The following MAP4K1 variants were observed in gnomAD, a reference collection of about 807,000 sequenced individuals.
MAP4K1 encodes mitogen-activated protein kinase kinase kinase kinase 1.
In MAP4K1, 35 loss-of-function variants were observed where a neutral mutation model predicts 122.8. That is an observed-to-expected ratio of 0.29 (90% CI 0.22 to 0.38). MAP4K1 has a LOEUF of 0.38. MAP4K1 is among the 10% of genes least tolerant of loss of function. The pLI, the probability that MAP4K1 is intolerant of heterozygous loss-of-function variation, is 1.00. For missense variants in MAP4K1, 791 were observed against 1,072.6 expected, an observed-to-expected ratio of 0.74 and a Z score of 3.67; for synonymous variants, 412 against 421.3, an observed-to-expected ratio of 0.98 and a Z score of 0.27.
At chr19:38,598,889 T>C (rs150554937) in intron 22 of MAP4K1, among the ~76,000 whole-genome samples, 9,228 of 150,226 alleles carry the variant, frequency 0.061, 356 homozygotes, top group South Asian at 0.15. Flanking sequence ...GGCAGGTGCC[T>C]GTAATCCCAG....
At chr19:38,591,465 A>G (rs1309991281) in intron 30 of MAP4K1, among the ~76,000 whole-genome samples, 3 of 141,430 alleles carry the variant, frequency 2.1e-5, no homozygotes. Context: ...CGGGAGGCAG[A>G]GGTTGCAGTG....
intron 8 of MAP4K1, 145 bp downstream of exon 8, chr19:38,613,735 C>A (rs750438): frequency 0.21 from 136,001 of 645,220 alleles, 17,812 homozygotes; most frequent in African/African-American, 0.38. Context: ...AAAACTCAAG[C>A]GACACCCAGA....
At chr19:38,593,141 T>C in intron 30 of MAP4K1, 141 bp downstream of exon 30, 1 of 685,742 alleles carries the variant, frequency 1.5e-6, no homozygotes, top group Non-Finnish European at 2.3e-6. Flanking sequence ...GAGAACAGAC[T>C]CTAGGGAGCA....
rs774007501 is a variant in MAP4K1 at position 38,587,760 on chromosome 19, G to A, written c.2454C>T (p.Tyr818=). 6.2e-7 allele frequency: 1 copy of A among 1,614,022 alleles called. No individual in the cohort carries two copies. The highest frequency in any genetic ancestry group is 1.1e-5 in the South Asian group (1 of 91,080). The change falls in exon 31 of 31, where the codon TAC becomes TAT. Residue 818 remains tyrosine, a synonymous_variant. Coordinates refer to ENST00000396857, the MANE Select transcript of MAP4K1 (RefSeq NM_001042600.3). ...CCCCCCTAGGGACTCATTCCTGGAT[G>A]TAGAGGTTGCTGGGAGCAGTAGGAT... ...VDDPTAPSNL[Y]IQE
At chr19:38,606,145 G>A (rs764466174) in intron 17 of MAP4K1, 28 bp downstream of exon 17, 1 of 1,570,390 alleles carries the variant, frequency 6.4e-7, no homozygotes, top group South Asian at 1.2e-5. Context: ...TGAGGCCCCA[G>A]CCTCCCAGCT....
In MAP4K1 at chr19:38,609,895, G is replaced by T; in HGVS notation, c.927+14C>A. On this transcript the variant is annotated intron_variant, in intron 12 of 30. Coordinates refer to ENST00000396857, the MANE Select transcript of MAP4K1 (RefSeq NM_001042600.3). ...CGAGAGGTCCCCAGTGCTCTTGTCA[G>T]CCAAGGCTCTCACCTCGGGCTCCTC... 6.2e-7 allele frequency: 1 copy of T among 1,606,386 alleles called. No individual in the cohort carries two copies. Among genetic ancestry groups the T allele is most frequent in the Non-Finnish European group, 8.5e-7 (1 of 1,172,966 alleles).
At chr19:38,603,413 T>A (rs988611249) in intron 19 of MAP4K1, among the ~76,000 whole-genome samples, 1 of 134,096 alleles carries the variant, frequency 7.5e-6, no homozygotes, top group Non-Finnish European at 1.5e-5. Context: ...TACATATATA[T>A]ACACGTATAC....
At chr19:38,593,173 G>A (rs1974776917) in intron 30 of MAP4K1, 109 bp downstream of exon 30, 1 of 1,019,698 alleles carries the variant, frequency 9.8e-7, no homozygotes, top group Non-Finnish European at 1.4e-6. Flanking sequence ...AGGGTGACCA[G>A]GTGAGACACT....
intron 29 of MAP4K1, among the ~76,000 whole-genome samples, chr19:38,594,465 C>A (rs1974810821): frequency 6.6e-6 from 1 of 152,028 alleles, no homozygotes; most frequent in African/African-American, 2.4e-5. Flanking sequence ...CATGACAAAA[C>A]CCCGTCTCTA....
intron 30 of MAP4K1, among the ~76,000 whole-genome samples, chr19:38,590,557 C>T (rs961468600): frequency 9.3e-5 from 14 of 151,012 alleles, no homozygotes; most frequent in Non-Finnish European, 1.6e-4. Context: ...CGGCTCACTG[C>T]AACCTCCACC....
chr19:38,607,075 G>A (rs530458432), intron 16 of MAP4K1, among the ~76,000 whole-genome samples: 1 of 152,246 alleles, frequency 6.6e-6, no homozygotes, highest in East Asian at 1.9e-4. Flanking sequence ...TGGAGGGTGG[G>A]TCTGGGGTGA....
At chr19:38,602,542 A>C (rs1412081493) in intron 19 of MAP4K1, among the ~76,000 whole-genome samples, 1 of 147,926 alleles carries the variant, frequency 6.8e-6, no homozygotes, top group East Asian at 2.0e-4. Context: ...ATATACACAT[A>C]TACATATATA....
intron 13 of MAP4K1, 79 bp from the exon 14 acceptor site, chr19:38,608,249 A>G: frequency 1.7e-6 from 1 of 597,494 alleles, no homozygotes; most frequent in Non-Finnish European, 2.8e-6. Flanking sequence ...CAGAAAGAGT[A>G]GAATTGGCGG....
At chr19:38,596,040 A>T in intron 26 of MAP4K1, 39 bp from the exon 27 acceptor site, 5 of 1,529,778 alleles carry the variant, frequency 3.3e-6, no homozygotes, top group Non-Finnish European at 4.5e-6. Flanking sequence ...ACCCCACCCC[A>T]TTCCCCTTTC....
At position 38,593,270 on chromosome 19, in the gene MAP4K1, C is replaced by T; in HGVS notation, c.2396+12G>A. On this transcript the variant is annotated intron_variant, in intron 30 of 30. Transcript: ENST00000396857. ...CCTCCCAGGTCCTTCTGCACCCCAC[C>T]CCACAACATACCTGGGGGAGCCAAG... 3 of 1,610,916 alleles carry T rather than the reference C, an allele frequency of 1.9e-6. No homozygotes were observed. Among genetic ancestry groups the T allele is most frequent in the Non-Finnish European group, 2.5e-6 (3 of 1,178,488 alleles).
At chr19:38,591,534 A>T (rs1974727429) in intron 30 of MAP4K1, among the ~76,000 whole-genome samples, 1 of 152,018 alleles carries the variant, frequency 6.6e-6, no homozygotes, top group Non-Finnish European at 1.5e-5. Flanking sequence ...CTCAAAAAAA[A>T]AAAAAAAAAA....
intron 30 of MAP4K1, among the ~76,000 whole-genome samples, chr19:38,590,463 G>A (rs1974696030): frequency 7.5e-6 from 1 of 133,106 alleles, no homozygotes; most frequent in South Asian, 2.4e-4. Flanking sequence ...AGGACAACGG[G>A]TGAAATTTTT....
At chr19:38,600,550 A>G (rs1414519974) in intron 20 of MAP4K1, among the ~76,000 whole-genome samples, 1 of 152,094 alleles carries the variant, frequency 6.6e-6, no homozygotes, top group Admixed American at 6.6e-5. Context: ...TTTTCTGTCC[A>G]GTGTGACCTG....
chr19:38,605,371 G>A (rs1308485981), intron 19 of MAP4K1, 38 bp downstream of exon 19: 6 of 615,788 alleles, frequency 9.7e-6, no homozygotes, highest in African/African-American at 3.8e-5. Flanking sequence ...CCCCAGCCCC[G>A]TCCAGAGGTG....
Sources: gnomAD v4.1 joint callset for allele counts (sites outside exome capture counted in the v4.1 genomes callset) on GRCh38, gnomAD v4.1.1 for gene constraint, MANE v1.5 for transcripts, NCBI Gene and HGNC (gene_info 2026-07-23, HGNC 2026-07-21) for gene names.